Variants in BTRC observed in about 807,000 individuals in gnomAD.
BTRC encodes the protein beta-transducin repeat containing E3 ubiquitin protein ligase, also known as F-box/WD repeat-containing protein 1A.
In BTRC, 42 loss-of-function variants were observed where a neutral mutation model predicts 85.5. The observed-to-expected ratio is 0.49, with a 90% CI of 0.38 to 0.64. The LOEUF is 0.64. Among genes scored for constraint, BTRC ranks in the 30% least tolerant of loss-of-function variants. BTRC has a pLI of 0.00. For missense variants in BTRC, 594 were observed against 743.5 expected, an observed-to-expected ratio of 0.80 and a Z score of 2.34; for synonymous variants, 255 against 263.3, an observed-to-expected ratio of 0.97 and a Z score of 0.30.
chr10:101,354,449 G>A (rs1256348106), intron 1 of BTRC: 1 of 550,498 alleles, frequency 1.8e-6, no homozygotes, highest in African/African-American at 2.0e-5. Context: ...GTGGATGAGA[G>A]GCCAAGTGAC....
intron 4 of BTRC, among the ~76,000 whole-genome samples, chr10:101,503,500 T>G (rs1946444789): frequency 6.6e-6 from 1 of 152,192 alleles, no homozygotes; most frequent in African/African-American, 2.4e-5. Context: ...TAAACTAAGC[T>G]TTTCCTGGAT....
At chr10:101,453,265 G>A (rs772434552) in intron 2 of BTRC, among the ~76,000 whole-genome samples, 1 of 152,078 alleles carries the variant, frequency 6.6e-6, no homozygotes, top group Non-Finnish European at 1.5e-5. Flanking sequence ...TTTCCTTCAG[G>A]TGGGTTGTCA....
Position 101,534,959 on chromosome 10 carries a change from A to C in BTRC, c.1347+49A>C. 3 of 1,583,662 alleles carry C rather than the reference A, an allele frequency of 1.9e-6. No individual in the cohort carries two copies. In the South Asian group the frequency reaches 3.3e-5, roughly 18 times the overall value. ...TTTCCAACTTAGAATGGGGGAATTC[A>C]TATGAAAATTTGATCAAGGGCAATT... On this transcript the variant is annotated intron_variant, in intron 10 of 14. Transcript: ENST00000370187.
chr10:101,496,778 A>G (rs1403762040), intron 4 of BTRC, among the ~76,000 whole-genome samples: 1 of 151,670 alleles, frequency 6.6e-6, no homozygotes, highest in East Asian at 1.9e-4. Flanking sequence ...CCTTTTTTTA[A>G]TTGGGTTTTA....
At chr10:101,361,704 T>G (rs986975274) in intron 1 of BTRC, among the ~76,000 whole-genome samples, 2 of 152,184 alleles carry the variant, frequency 1.3e-5, no homozygotes, top group African/African-American at 4.8e-5. Flanking sequence ...CCTTTTAGTT[T>G]CCCATAGCCT....
intron 1 of BTRC, among the ~76,000 whole-genome samples, chr10:101,417,530 G>A (rs1444061312): frequency 6.6e-6 from 1 of 152,116 alleles, no homozygotes; most frequent in Non-Finnish European, 1.5e-5. Context: ...TATTAATGTT[G>A]ATTACTTGAT....
At chr10:101,504,847 T>G (rs576002195) in intron 4 of BTRC, among the ~76,000 whole-genome samples, 18 of 151,928 alleles carry the variant, frequency 1.2e-4, no homozygotes, top group Non-Finnish European at 8.8e-5. Context: ...CTTGCTCTGA[T>G]CAATTTGATA....
intron 6 of BTRC, among the ~76,000 whole-genome samples, chr10:101,527,042 A>G (rs1177376440): frequency 6.6e-6 from 1 of 152,200 alleles, no homozygotes; most frequent in Non-Finnish European, 1.5e-5. Context: ...CTAGAATGTC[A>G]CTATAGGAAA....
intron 4 of BTRC, among the ~76,000 whole-genome samples, chr10:101,502,705 C>G (rs1471088773): frequency 1.3e-5 from 2 of 152,108 alleles, no homozygotes; most frequent in Non-Finnish European, 2.9e-5. Flanking sequence ...CCACTGTACT[C>G]ACAAAAAGCA....
Position 101,536,629 on chromosome 10 carries a change from G to C in BTRC, c.1553G>C (p.Arg518Thr), listed in dbSNP as rs745650332. ...CGTTGTATTCGATTTGATAACAAGA[G>C]GATAGTCAGTGGGGCCTATGATGGG... is the stretch of plus-strand genomic sequence containing the variant. ...LVRCIRFDNK[R>T]IVSGAYDGKI... Residue 518 changes from arginine to threonine, a missense_variant, in exon 12 of 15, where the codon AGG (arginine) becomes ACG (threonine). Coordinates refer to ENST00000370187, the MANE Select transcript of BTRC (RefSeq NM_033637.4). The C allele has an allele frequency of 3.5e-5, 56 of 1,613,336 alleles. No homozygotes were observed. The highest frequency in any genetic ancestry group is 5.0e-5 in the Admixed American group (3 of 59,994).
chr10:101,536,481 A>G, intron 11 of BTRC, 62 bp from the exon 12 acceptor site: 1 of 1,285,114 alleles, frequency 7.8e-7, no homozygotes, highest in African/African-American at 1.5e-5. Flanking sequence ...GTGTATTGTT[A>G]TAACATTCCA....
At chr10:101,508,174 C>A (rs1043238711) in intron 4 of BTRC, among the ~76,000 whole-genome samples, 53 of 152,004 alleles carry the variant, frequency 3.5e-4, no homozygotes, top group Non-Finnish European at 6.8e-4. Context: ...TATGACTTTT[C>A]CTATAGTTAG....
intron 4 of BTRC, among the ~76,000 whole-genome samples, chr10:101,493,432 A>G (rs565187541): frequency 6.6e-6 from 1 of 152,354 alleles, no homozygotes; most frequent in East Asian, 1.9e-4. Context: ...CCAAGGTCAT[A>G]CTGTATGTTG....
intron 2 of BTRC, among the ~76,000 whole-genome samples, chr10:101,441,149 A>G (rs961649266): frequency 6.6e-6 from 1 of 152,206 alleles, no homozygotes; most frequent in African/African-American, 2.4e-5. Flanking sequence ...AATGAAAACA[A>G]ACCATTTTTT....
At chr10:101,492,058 A>G (rs537463687) in intron 4 of BTRC, among the ~76,000 whole-genome samples, 133 of 152,282 alleles carry the variant, frequency 8.7e-4, no homozygotes, top group African/African-American at 3.1e-3. Flanking sequence ...ACACAGACTC[A>G]TAAAGTATGT....
intron 2 of BTRC, among the ~76,000 whole-genome samples, chr10:101,444,359 A>G (rs1326719951): frequency 6.6e-6 from 1 of 152,186 alleles, no homozygotes; most frequent in Non-Finnish European, 1.5e-5. Flanking sequence ...TGGGGCTTCT[A>G]CTGAGGCTAT....
chr10:101,362,548 A>G (rs749592275), intron 1 of BTRC, among the ~76,000 whole-genome samples: 1 of 152,048 alleles, frequency 6.6e-6, no homozygotes, highest in Non-Finnish European at 1.5e-5. Context: ...GGCATGCGGC[A>G]CCACACCCAG....
chr10:101,472,777 G>A (rs1053385355), intron 3 of BTRC, among the ~76,000 whole-genome samples: 6 of 152,084 alleles, frequency 3.9e-5, no homozygotes, highest in South Asian at 4.2e-4. Context: ...AATATTATTC[G>A]CTTGTCTCCT....
At chr10:101,466,024 C>G (rs1945362330) in intron 3 of BTRC, among the ~76,000 whole-genome samples, 1 of 152,202 alleles carries the variant, frequency 6.6e-6, no homozygotes, top group South Asian at 2.1e-4. Context: ...TTATTCCTAT[C>G]TGCAATCAAG....
Sources: gnomAD v4.1 joint callset for allele counts (sites outside exome capture counted in the v4.1 genomes callset) on GRCh38, gnomAD v4.1.1 for gene constraint, MANE v1.5 for transcripts, NCBI Gene and HGNC (gene_info 2026-07-23, HGNC 2026-07-21) for gene names.